SHPRH: variants seen among roughly 807,000 people sequenced by gnomAD.
The protein encoded by SHPRH is SNF2 histone linker PHD RING helicase.
In SHPRH, 106 loss-of-function variants were observed where a neutral mutation model predicts 202.5. The ratio of observed to expected loss-of-function variants is 0.52; its 90% CI spans 0.45 to 0.62. SHPRH has a LOEUF of 0.62. SHPRH is among the 20% of genes least tolerant of loss of function. The probability of loss-of-function intolerance (pLI) is 0.00; values close to 1 mark genes in which losing one functional copy is unlikely to be tolerated. For missense variants in SHPRH, 1,710 were observed against 2,020.0 expected (o/e 0.85, Z 2.94); for synonymous variants, 729 against 686.0 (o/e 1.06, Z -0.98).
chr6:145,895,822 A>T (rs1781966820), intron 25 of SHPRH, among the ~76,000 whole-genome samples: 1 of 152,022 alleles, frequency 6.6e-6, no homozygotes, highest in African/African-American at 2.4e-5. Flanking sequence ...ATAGGGCTGA[A>T]TGATAATTAT....
rs771345544 is a variant in SHPRH at position 145,943,710 on chromosome 6, A to G, written c.1671T>C (p.Asp557=). The change falls in exon 9 of 30, where the codon GAT becomes GAC. Residue 557 remains aspartate, a synonymous_variant. Coordinates refer to ENST00000275233, the MANE Select transcript of SHPRH (RefSeq NM_001042683.3). ...AATAATAGTAAGGATCATCATCATCATCAGAGGTGTCTGATGGCAAGTATT... is the reference window on the plus strand; with the variant it reads ...AATAATAGTAAGGATCATCATCATCGTCAGAGGTGTCTGATGGCAAGTATT... ...DSEYLPSDTS[D]DDDDPYYYYY... is the part of the protein sequence containing the mutation. The G allele has an allele frequency of 9.9e-6, 16 of 1,613,608 alleles. No homozygotes were observed. The African/African-American group carries it at 2.1e-4, about 22-fold the overall frequency.
intron 4 of SHPRH, among the ~76,000 whole-genome samples, chr6:145,949,564 T>A (rs762728092): frequency 7.2e-5 from 11 of 152,024 alleles, no homozygotes; most frequent in Non-Finnish European, 1.3e-4. Context: ...CAGAATAGTA[T>A]AACGGATACT....
chr6:145,892,511 C>T (rs896761148), intron 28 of SHPRH, among the ~76,000 whole-genome samples: 11 of 152,020 alleles, frequency 7.2e-5, no homozygotes, highest in Non-Finnish European at 1.6e-4. Flanking sequence ...GCCTGACATA[C>T]AGTAGGTGCT....
intron 1 of SHPRH, 121 bp from the exon 2 acceptor site, chr6:145,955,475 G>C: frequency 3.2e-6 from 3 of 950,602 alleles, no homozygotes; most frequent in Non-Finnish European, 4.5e-6. Context: ...TCTTCTGTGA[G>C]ATATAAGGCA....
chr6:145,900,039 T>G (rs1317639202), intron 25 of SHPRH, among the ~76,000 whole-genome samples: 6 of 152,198 alleles, frequency 3.9e-5, no homozygotes, highest in Non-Finnish European at 1.5e-5. Flanking sequence ...AGGAAACCCT[T>G]GTACACCATT....
chr6:145,947,427 T>C, intron 6 of SHPRH, 66 bp downstream of exon 6: 1 of 1,533,518 alleles, frequency 6.5e-7, no homozygotes, highest in Admixed American at 2.0e-5. Flanking sequence ...AAGCAAATGT[T>C]CAACATACGA....
At chr6:145,912,854 T>C (rs1229149565) in intron 24 of SHPRH, among the ~76,000 whole-genome samples, 1 of 152,058 alleles carries the variant, frequency 6.6e-6, no homozygotes, top group Non-Finnish European at 1.5e-5. Flanking sequence ...TAGTCTGATA[T>C]ATATATATAT....
intron 21 of SHPRH, among the ~76,000 whole-genome samples, chr6:145,919,979 T>C (rs1167237451): frequency 2.6e-5 from 4 of 152,086 alleles, no homozygotes; most frequent in Admixed American, 2.6e-4. Flanking sequence ...TACCCAACCA[T>C]GGGGCAACCA....
At position 145,921,289 on chromosome 6, in the gene SHPRH, C is replaced by G. The variant is rs370933704; in HGVS notation, c.3886G>C (p.Glu1296Gln). The G allele has an allele frequency of 6.2e-7, 1 of 1,612,886 alleles. No homozygotes were observed. Among genetic ancestry groups the G allele is most frequent in the Non-Finnish European group, 8.5e-7 (1 of 1,179,404 alleles). The part of the protein sequence containing the change: ...TTTRGLWAIS[E>Q]TERSMKAILS... ...ATTGCTTTCATAGATCGCTCTGTCT[C>G]ACTTATTGCCCAGAGACCCCGGGTG... is the stretch of plus-strand genomic sequence containing the variant. Residue 1296 changes from glutamate to glutamine, a missense_variant, in exon 21 of 30, where the codon GAG becomes CAG. Glu to Gln is a conservative substitution (Grantham distance 29, BLOSUM62 2). Around this residue, in one of 8 missense-constraint regions of SHPRH, gnomAD observed 306 missense variants for 479.5 expected, o/e 0.64. Transcript: ENST00000275233.
intron 18 of SHPRH, 93 bp downstream of exon 18, chr6:145,923,550 G>A (rs1389605805): frequency 2.0e-5 from 29 of 1,472,756 alleles, no homozygotes; most frequent in Non-Finnish European, 2.6e-5. Context: ...GAGAAAAAAA[G>A]CCGGTAATAA....
At chr6:145,933,842 T>C (rs780392251) in intron 13 of SHPRH, among the ~76,000 whole-genome samples, 3 of 152,106 alleles carry the variant, frequency 2.0e-5, no homozygotes, top group African/African-American at 4.8e-5. Context: ...TCTGGGACAA[T>C]AGAGTATTAT....
chr6:145,955,776 G>T (rs1025501421), intron 1 of SHPRH, among the ~76,000 whole-genome samples: 1 of 151,008 alleles, frequency 6.6e-6, no homozygotes, highest in South Asian at 2.1e-4. Context: ...TATCAGGCAC[G>T]CAAAAAAAAT....
In SHPRH at chr6:145,927,249, G is replaced by T; in HGVS notation, c.3141C>A (p.Tyr1047Ter). The T allele has an allele frequency of 6.2e-7, 1 of 1,611,826 alleles. No homozygotes were observed. The highest frequency in any genetic ancestry group is 1.3e-5 in the African/African-American group (1 of 74,924). The stretch of plus-strand genomic sequence containing the variant: ...CCTCCGAGGAGCGCAACACTTCTCT[G>T]TACAATTCTGCTGCCAAGGCATACT... ...KGEYALAAELYREVLRSSEEH... is the reference protein window; with the variant it reads ...KGEYALAAEL Residue 1047 changes from tyrosine to a stop codon, truncating the protein, a stop_gained, in exon 15 of 30, where the codon TAC becomes TAA. Transcript: ENST00000275233. LOFTEE classifies it high-confidence loss of function.
At chr6:145,869,152 T>G (rs2128688962) in intron 2 of SHPRH, among the ~76,000 whole-genome samples, 1 of 152,342 alleles carries the variant, frequency 6.6e-6, no homozygotes, top group African/African-American at 2.4e-5. Flanking sequence ...TTTCCTTTTT[T>G]GAGATACCTG....
intron 28 of SHPRH, among the ~76,000 whole-genome samples, chr6:145,889,916 G>T (rs916211473): frequency 6.6e-6 from 1 of 152,142 alleles, no homozygotes; most frequent in African/African-American, 2.4e-5. Context: ...ATTACTGGAT[G>T]ACATATCCAT....
chr6:145,952,314 G>A, intron 3 of SHPRH, 35 bp downstream of exon 3: 2 of 1,555,084 alleles, frequency 1.3e-6, no homozygotes, highest in Non-Finnish European at 1.7e-6. Context: ...CAACTCCTAA[G>A]TAATAGCAAT....
chr6:145,928,057 A>G (rs1342163522), intron 14 of SHPRH, among the ~76,000 whole-genome samples: 2 of 152,014 alleles, frequency 1.3e-5, no homozygotes, highest in Non-Finnish European at 2.9e-5. Flanking sequence ...TTCAAAAAAA[A>G]TATTTCGTGA....
chr6:145,955,493 A>AT (rs1334824295), intron 1 of SHPRH, 139 bp from the exon 2 acceptor site: 16 of 730,602 alleles, frequency 2.2e-5, no homozygotes, highest in Non-Finnish European at 3.2e-5. Context: ...GCAATGAGTA[A>AT]TTTTTTTACC....
intron 15 of SHPRH, among the ~76,000 whole-genome samples, chr6:145,926,567 C>T (rs1217847257): frequency 6.6e-6 from 1 of 151,842 alleles, no homozygotes; most frequent in East Asian, 1.9e-4. Context: ...TCCATATGTT[C>T]CTCTAAATAT....
Sources: allele counts gnomAD v4.1 joint callset (sites outside exome capture counted in the v4.1 genomes callset), GRCh38; gene constraint gnomAD v4.1.1; regional missense constraint gnomAD v4.1.1; transcripts MANE v1.5; gene names NCBI Gene and HGNC (gene_info 2026-07-23, HGNC 2026-07-21).